The following IQCM variants were observed in gnomAD, a reference collection of about 807,000 sequenced individuals.
IQCM encodes IQ domain-containing protein M.
IQCM carries 45 observed loss-of-function variants against 57.6 expected under a neutral mutation model. That is an observed-to-expected ratio of 0.78 (90% CI 0.62 to 1.00). The LOEUF (loss-of-function observed/expected upper bound fraction) is 1.00, where lower values mean the gene tolerates loss of function less well. Among genes scored for constraint, IQCM ranks in the 50% least tolerant of loss-of-function variants. IQCM has a pLI of 0.00. For synonymous variants in IQCM, 148 were observed against 158.9 expected, an observed-to-expected ratio of 0.93 and a Z score of 0.51; for missense variants, 468 against 511.6, an observed-to-expected ratio of 0.91 and a Z score of 0.82.
intron 2 of IQCM, among the ~76,000 whole-genome samples, chr4:149,777,600 A>G (rs534511624): frequency 1.3e-5 from 2 of 152,306 alleles, no homozygotes; most frequent in African/African-American, 4.8e-5. Flanking sequence ...TATTTTGCCT[A>G]TAACAGGCAT....
At chr4:149,652,319 G>A (rs920425055) in intron 7 of IQCM, among the ~76,000 whole-genome samples, 4 of 151,958 alleles carry the variant, frequency 2.6e-5, no homozygotes, top group Non-Finnish European at 5.9e-5. Context: ...AGGGGAGGGA[G>A]AGCATTAGGA....
chr4:149,727,567 A>G (rs1469860886), intron 5 of IQCM, among the ~76,000 whole-genome samples: 2 of 152,216 alleles, frequency 1.3e-5, no homozygotes, highest in Non-Finnish European at 2.9e-5. Flanking sequence ...CCATCATTAT[A>G]AGATACTGGT....
At chr4:149,775,805 A>T (rs970063497) in intron 2 of IQCM, among the ~76,000 whole-genome samples, 5 of 152,308 alleles carry the variant, frequency 3.3e-5, no homozygotes, top group East Asian at 1.9e-4. Flanking sequence ...AGCTATTTTT[A>T]AAAAATATTC....
chr4:149,813,521 C>A lies in IQCM; in HGVS notation c.-49+1790G>T, dbSNP rs185032514. Among the ~76,000 whole-genome samples the A allele has an allele frequency of 1.5e-3, 230 of 152,052 alleles. 1 individual carries two copies. The highest frequency in any genetic ancestry group is 5.0e-3 in the African/African-American group (209 of 41,486). On this transcript the variant is annotated intron_variant, in intron 2 of 13. Coordinates refer to ENST00000636793, the MANE Select transcript of IQCM (RefSeq NM_001363507.2). ...GAATTAACTAGTTACACAACAGATACCCCCAAATGCTCAGCAACTAGCAGT... is the reference window on the plus strand; with the variant it reads ...GAATTAACTAGTTACACAACAGATAACCCCAAATGCTCAGCAACTAGCAGT...
At chr4:149,576,969 T>C (rs1425360545) in intron 9 of IQCM, among the ~76,000 whole-genome samples, 1 of 152,050 alleles carries the variant, frequency 6.6e-6, no homozygotes, top group Non-Finnish European at 1.5e-5. Flanking sequence ...AAGTTTGGTT[T>C]GCATTTCTCC....
intron 8 of IQCM, among the ~76,000 whole-genome samples, chr4:149,589,328 A>G (rs1170840370): frequency 6.6e-6 from 1 of 152,048 alleles, no homozygotes; most frequent in Non-Finnish European, 1.5e-5. Flanking sequence ...TCATGATACC[A>G]CAAGGAAAGT....
chr4:149,572,617 T>A (rs1503703), intron 9 of IQCM, among the ~76,000 whole-genome samples: 35,587 of 151,890 alleles, frequency 0.23, 4,750 homozygotes, highest in Non-Finnish European at 0.29. Context: ...CTAACTATGG[T>A]ATAATAATTT....
intron 8 of IQCM, among the ~76,000 whole-genome samples, chr4:149,596,375 T>C (rs1237001683): frequency 2.0e-5 from 3 of 152,198 alleles, no homozygotes; most frequent in Admixed American, 6.6e-5. Context: ...ACTGAAATGT[T>C]GAAATTACTG....
At chr4:149,691,156 G>A (rs1211976109) in intron 5 of IQCM, among the ~76,000 whole-genome samples, 1 of 152,100 alleles carries the variant, frequency 6.6e-6, no homozygotes, top group East Asian at 1.9e-4. Flanking sequence ...GGATTATCAT[G>A]TTTTATTCTT....
intron 7 of IQCM, among the ~76,000 whole-genome samples, chr4:149,635,649 A>G (rs1757654166): frequency 6.6e-6 from 1 of 152,194 alleles, no homozygotes; most frequent in Admixed American, 6.5e-5. Context: ...AAATTTACAA[A>G]TAACACCTGC....
chr4:149,763,341 C>T (rs969420381), intron 2 of IQCM, among the ~76,000 whole-genome samples: 2 of 151,996 alleles, frequency 1.3e-5, no homozygotes, highest in African/African-American at 4.8e-5. Flanking sequence ...CATTTGCAGT[C>T]ATCACAGAGT....
chr4:149,696,990 C>G (rs1763388336), intron 5 of IQCM, among the ~76,000 whole-genome samples: 1 of 152,082 alleles, frequency 6.6e-6, no homozygotes. Context: ...TATCTCTTTC[C>G]TAGATTGAAA....
chr4:149,599,531 G>T (rs367803205), intron 8 of IQCM, among the ~76,000 whole-genome samples: 4 of 151,276 alleles, frequency 2.6e-5, no homozygotes, highest in Admixed American at 6.6e-5. Flanking sequence ...CTTTTTTTTT[G>T]AGTATTATTC....
At chr4:149,468,748 T>C (rs1346644931) in intron 12 of IQCM, among the ~76,000 whole-genome samples, 1 of 152,142 alleles carries the variant, frequency 6.6e-6, no homozygotes, top group African/African-American at 2.4e-5. Context: ...TGACACCTCA[T>C]ACAGCCAGGT....
chr4:149,815,435 C>CA (rs903661406), intron 1 of IQCM, 87 bp from the exon 2 acceptor site: 35 of 151,616 alleles, frequency 2.3e-4, no homozygotes, highest in African/African-American at 8.0e-4. Context: ...ATCATCTAAG[C>CA]AAAAAAATTT....
chr4:149,572,972 T>A (rs1318977526), intron 9 of IQCM, among the ~76,000 whole-genome samples: 3 of 151,878 alleles, frequency 2.0e-5, no homozygotes, highest in Non-Finnish European at 4.4e-5. Flanking sequence ...AATTTCCTTT[T>A]TGGAAATTTC....
intron 3 of IQCM, among the ~76,000 whole-genome samples, chr4:149,735,807 C>T (rs1046798227): frequency 8.5e-5 from 13 of 152,126 alleles, no homozygotes; most frequent in Non-Finnish European, 8.8e-5. Flanking sequence ...TACATTTCCT[C>T]AAGAGTATTT....
At chr4:149,646,855 G>C (rs1976485) in intron 7 of IQCM, among the ~76,000 whole-genome samples, 32,182 of 151,920 alleles carry the variant, frequency 0.21, 4,254 homozygotes, top group Non-Finnish European at 0.28. Flanking sequence ...GTGGTGGCAG[G>C]CGCCTGTAAT....
At chr4:149,796,230 T>C (rs963838854) in intron 2 of IQCM, among the ~76,000 whole-genome samples, 5 of 152,138 alleles carry the variant, frequency 3.3e-5, no homozygotes, top group Non-Finnish European at 7.4e-5. Flanking sequence ...ACAAGCTGAC[T>C]GAGGAGCCAT....
Sources: gnomAD v4.1 joint callset for allele counts (sites outside exome capture counted in the v4.1 genomes callset) on GRCh38, gnomAD v4.1.1 for gene constraint, MANE v1.5 for transcripts, NCBI Gene and HGNC (gene_info 2026-07-23, HGNC 2026-07-21) for gene names.